The following ITIH5 variants were observed in gnomAD, a reference collection of about 807,000 sequenced individuals.
The protein encoded by ITIH5 is inter-alpha-trypsin inhibitor heavy chain 5, also known as inter-alpha-trypsin inhibitor heavy chain H5.
In ITIH5, 65 loss-of-function variants were observed where a neutral mutation model predicts 77.5. The ratio of observed to expected loss-of-function variants is 0.84; its 90% CI spans 0.69 to 1.03. The LOEUF (loss-of-function observed/expected upper bound fraction) is 1.03, where lower values mean the gene tolerates loss of function less well. Among genes scored for constraint, ITIH5 ranks in the 50% least tolerant of loss-of-function variants. The pLI is 0.00. For synonymous variants in ITIH5, 525 were observed against 494.3 expected (o/e 1.06, Z -0.82); for missense variants, 1,208 against 1,213.1 (o/e 1.00, Z 0.06).
chr10:7,608,923 TGTGCACTCACCTGA>T (rs113463266), intron 7 of ITIH5, among the ~76,000 whole-genome samples: 15,386 of 152,212 alleles, frequency 0.1, 984 homozygotes, highest in Middle Eastern at 0.19. Flanking sequence ...GTGACATCTG[TGTGCACTCACCTGA>T]GTGCACTGTC....
chr10:7,609,325 G>A (rs1277682869), intron 7 of ITIH5: 3 of 394,752 alleles, frequency 7.6e-6, no homozygotes, highest in Admixed American at 3.2e-5. Context: ...GGCAGCAAAT[G>A]TCATTACCCA....
At chr10:7,642,405 C>T (rs1338710398) in intron 2 of ITIH5, among the ~76,000 whole-genome samples, 2 of 152,146 alleles carry the variant, frequency 1.3e-5, no homozygotes, top group South Asian at 2.1e-4. Flanking sequence ...GTTCAATCAT[C>T]GGAATTTTAG....
chr10:7,568,391 T>C (rs907643079), intron 12 of ITIH5, among the ~76,000 whole-genome samples: 4 of 152,132 alleles, frequency 2.6e-5, no homozygotes, highest in African/African-American at 7.2e-5. Flanking sequence ...GTTCTAAGCA[T>C]TTTCAGGCTG....
intron 1 of ITIH5, among the ~76,000 whole-genome samples, chr10:7,662,243 G>A (rs1188126004): frequency 6.6e-6 from 1 of 152,052 alleles, no homozygotes; most frequent in Non-Finnish European, 1.5e-5. Context: ...TGTAGTCCCA[G>A]CTACTTGGGA....
rs575213798 is a variant in ITIH5 at position 7,626,924 on chromosome 10, T to A, written c.653-9642A>T. On this transcript the variant is annotated intron_variant, in intron 5 of 13. Coordinates refer to ENST00000397146, the MANE Select transcript of ITIH5 (RefSeq NM_030569.7). ...GTGCTAGACCCAAGATCTGGCAAAA[T>A]TTACCAACGTAAGCCAAGAAAGTGC... Among the ~76,000 whole-genome samples the A allele has an allele frequency of 2.2e-4, 34 of 152,294 alleles. No individual in the cohort carries two copies. The South Asian group carries it at 6.6e-3, about 30-fold the overall frequency.
chr10:7,563,295 C>T lies in ITIH5; in HGVS notation c.2617G>A (p.Glu873Lys). 3.1e-6 allele frequency: 5 copies of T among 1,614,074 alleles called. No homozygotes were observed. The highest frequency in any genetic ancestry group is 1.7e-4 in the Middle Eastern group (1 of 6,056). ...ACTGTTAGGACGGCCTCAGGCCCCTCTCCCACCTGAAGGAGCAGAGGGTGA... is the reference window on the plus strand; with the variant it reads ...ACTGTTAGGACGGCCTCAGGCCCCTTTCCCACCTGAAGGAGCAGAGGGTGA... ...LTHPLLLQVG[E>K]GPEAVLTVKG... Residue 873 changes from glutamate (E) to lysine (K), a missense_variant, in exon 14 of 14, where the codon GAG becomes AAG. By Grantham distance (56) the Glu-to-Lys change is moderately conservative. Coordinates refer to ENST00000397146, the MANE Select transcript of ITIH5 (RefSeq NM_030569.7).
intron 5 of ITIH5, among the ~76,000 whole-genome samples, chr10:7,622,979 A>G (rs1833497869): frequency 6.6e-6 from 1 of 152,250 alleles, no homozygotes. Flanking sequence ...AGAGAACAAA[A>G]CATATGTCCT....
intron 8 of ITIH5, 104 bp from the exon 9 acceptor site, chr10:7,580,168 T>G (rs1311833931): frequency 1.0e-6 from 1 of 961,858 alleles, no homozygotes; most frequent in African/African-American, 1.6e-5. Flanking sequence ...TCACCCAGGC[T>G]GGAGTGCAAT....
In ITIH5 at chr10:7,562,910, C is replaced by G. The variant is rs1832064607; in HGVS notation, c.*173G>C. ...TTTGCACTCAGGCTTCCCGCCCCTACCCACCCCTACCCTTCGCCCAGACAG... is the reference window on the plus strand; with the variant it reads ...TTTGCACTCAGGCTTCCCGCCCCTAGCCACCCCTACCCTTCGCCCAGACAG... On this transcript the variant is annotated 3_prime_UTR_variant, in exon 14 of 14. Coordinates refer to ENST00000397146, the MANE Select transcript of ITIH5 (RefSeq NM_030569.7). 2 of 434,120 alleles carry G rather than the reference C, an allele frequency of 4.6e-6. No individual in the cohort carries two copies. Among genetic ancestry groups the G allele is most frequent in the Non-Finnish European group, 9.0e-6 (2 of 221,382 alleles). The allele number at this position is 434,120 out of a possible 1,614,324, so 26.9% of individuals were successfully genotyped here.
chr10:7,594,601 A>C (rs1051318768), intron 7 of ITIH5, among the ~76,000 whole-genome samples: 9 of 146,938 alleles, frequency 6.1e-5, no homozygotes, highest in African/African-American at 2.2e-4. Context: ...ATCAGGGTAC[A>C]GGCCTGATTC....
At chr10:7,568,071 C>T (rs184600220) in intron 12 of ITIH5, among the ~76,000 whole-genome samples, 273 of 152,192 alleles carry the variant, frequency 1.8e-3, no homozygotes, top group Middle Eastern at 6.8e-3. Context: ...GGCCTGTGAA[C>T]CAGGCCCCAG....
chr10:7,644,125 C>A (rs1273821216), intron 2 of ITIH5, among the ~76,000 whole-genome samples: 5 of 151,972 alleles, frequency 3.3e-5, no homozygotes, highest in African/African-American at 4.8e-5. Context: ...GTAGTCCTGG[C>A]TACTCAGGTG....
intron 11 of ITIH5, chr10:7,572,396 G>A (rs771196818): frequency 1.8e-5 from 25 of 1,364,260 alleles, no homozygotes; most frequent in East Asian, 4.5e-5. Flanking sequence ...CTGAAGCCAC[G>A]AACTGAAAAA....
intron 1 of ITIH5, among the ~76,000 whole-genome samples, chr10:7,665,845 C>T (rs1400057495): frequency 6.6e-6 from 1 of 152,186 alleles, no homozygotes; most frequent in Non-Finnish European, 1.5e-5. Flanking sequence ...TACTCCCCCC[C>T]TAGAAGGAAG....
chr10:7,628,711 ATGTTGTAGC>A (rs1564268789), intron 5 of ITIH5, among the ~76,000 whole-genome samples: 2 of 126,012 alleles, frequency 1.6e-5, no homozygotes, highest in African/African-American at 5.5e-5. Flanking sequence ...GCGTGTGTCC[ATGTTGTAGC>A]GTGTGTCCAT....
At chr10:7,607,368 CGG>C (rs1833146025) in intron 7 of ITIH5, among the ~76,000 whole-genome samples, 1 of 152,162 alleles carries the variant, frequency 6.6e-6, no homozygotes, top group African/African-American at 2.4e-5. Flanking sequence ...ATCTGGGGGC[CGG>C]GCGTGGTGGC....
intron 11 of ITIH5, chr10:7,572,069 C>G: frequency 9.7e-7 from 1 of 1,033,266 alleles, no homozygotes; most frequent in Non-Finnish European, 1.2e-6. Flanking sequence ...AGTCATTACT[C>G]CAGGCAGCAT....
chr10:7,637,399 C>G lies in ITIH5; in HGVS notation c.481G>C (p.Glu161Gln). ...DKAAFFLSYE[E>Q]LLQRRLGKYE... is the part of the protein sequence containing the mutation. ...TTGCCCAGGCGCCTCTGCAGAAGCT[C>G]CTCATAACTCAGGAAAAAGGCGGCT... The change falls in exon 5 of 14, where the codon GAG becomes CAG. Residue 161 changes from glutamate to glutamine, a missense_variant. Coordinates refer to ENST00000397146, the MANE Select transcript of ITIH5 (RefSeq NM_030569.7). 6.2e-7 allele frequency: 1 copy of G among 1,614,070 alleles called. No homozygotes were observed. Among genetic ancestry groups the G allele is most frequent in the East Asian group, 2.2e-5 (1 of 44,878 alleles).
intron 7 of ITIH5, 83 bp from the exon 8 acceptor site, chr10:7,586,152 C>G (rs980797591): frequency 8.1e-7 from 1 of 1,237,736 alleles, no homozygotes; most frequent in Non-Finnish European, 1.1e-6. Flanking sequence ...CCCCCGCCCC[C>G]CAGGAAAAAT....
Sources: gnomAD v4.1 joint callset for allele counts (sites outside exome capture counted in the v4.1 genomes callset) on GRCh38, gnomAD v4.1.1 for gene constraint, MANE v1.5 for transcripts, NCBI Gene and HGNC (gene_info 2026-07-23, HGNC 2026-07-21) for gene names.